IFT80: variants seen among roughly 807,000 people sequenced by gnomAD.
IFT80 encodes intraflagellar transport protein 80 homolog.
In IFT80, 79 loss-of-function variants were observed where a neutral mutation model predicts 107.9. That is an observed-to-expected ratio of 0.73 (90% confidence interval 0.61 to 0.88). The LOEUF (loss-of-function observed/expected upper bound fraction) is 0.88, where lower values mean the gene tolerates loss of function less well. Among genes scored for constraint, IFT80 ranks in the 40% least tolerant of loss-of-function variants. The pLI, the probability that IFT80 is intolerant of heterozygous loss-of-function variation, is 0.00. For synonymous variants in IFT80, 299 were observed against 300.9 expected, an observed-to-expected ratio of 0.99 and a Z score of 0.07; for missense variants, 797 against 914.2, an observed-to-expected ratio of 0.87 and a Z score of 1.65.
At chr3:160,336,713 C>A (rs1394560031) in intron 8 of IFT80, among the ~76,000 whole-genome samples, 3 of 152,038 alleles carry the variant, frequency 2.0e-5, no homozygotes, top group East Asian at 1.9e-4. Context: ...TCAGCTCTAT[C>A]ATTTTATGTA....
chr3:160,360,617 T>A (rs1031499304), intron 6 of IFT80, among the ~76,000 whole-genome samples: 1 of 151,976 alleles, frequency 6.6e-6, no homozygotes, highest in Non-Finnish European at 1.5e-5. Context: ...AAAGATCGGG[T>A]TACCCACAAA....
At chr3:160,389,973 C>T (rs1342942360) in intron 1 of IFT80, among the ~76,000 whole-genome samples, 1 of 152,162 alleles carries the variant, frequency 6.6e-6, no homozygotes, top group African/African-American at 2.4e-5. Flanking sequence ...CCTATTTCTC[C>T]ACATCCTGGA....
chr3:160,321,293 T>C (rs1400484962), intron 8 of IFT80, among the ~76,000 whole-genome samples: 2 of 151,992 alleles, frequency 1.3e-5, no homozygotes, highest in African/African-American at 4.8e-5. Context: ...ACAAGAATTA[T>C]GAAACATTAC....
intron 8 of IFT80, among the ~76,000 whole-genome samples, chr3:160,323,448 T>C (rs1334597485): frequency 1.3e-5 from 2 of 152,118 alleles, no homozygotes; most frequent in Non-Finnish European, 2.9e-5. Context: ...AGCCTTGTAG[T>C]ATAGTTTGAA....
chr3:160,328,389 A>G (rs62272186), intron 8 of IFT80, among the ~76,000 whole-genome samples: 78,867 of 149,576 alleles, frequency 0.53, 21,276 homozygotes, highest in African/African-American at 0.57. Flanking sequence ...TTGAACCCAC[A>G]AGGCGGAGGT....
rs553421958 is a variant in IFT80, at chr3:160,375,812, C to T, written c.439G>A (p.Gly147Arg). Reference sequence around the variant, plus strand: ...TGAAATTGTCAATTGTAAAACATACCTTGCTGAGCTAAAGTTGATCTAAGC... The same window carrying T: ...TGAAATTGTCAATTGTAAAACATACTTTGCTGAGCTAAAGTTGATCTAAGC... ...GMLRSTLAQQ[G>R]TPVYSVAWGP... Residue 147 changes from glycine (G) to arginine (R), a missense_variant and splice_region_variant, in exon 5 of 20, where the codon GGA becomes AGA. Coordinates refer to ENST00000326448, the MANE Select transcript of IFT80 (RefSeq NM_020800.3). 6.2e-6 allele frequency: 10 copies of T among 1,607,436 alleles called. 3 individuals carry two copies. The South Asian group carries it at 1.1e-4, about 18-fold the overall frequency.
intron 1 of IFT80, among the ~76,000 whole-genome samples, chr3:160,394,652 GGCA>G (rs1403770637): frequency 7.9e-5 from 12 of 152,244 alleles, no homozygotes; most frequent in African/African-American, 2.9e-4. Flanking sequence ...GGGAGGCTGA[GGCA>G]GGAGAGATCA....
At chr3:160,264,213 G>C (rs1350983913) in intron 19 of IFT80, among the ~76,000 whole-genome samples, 3 of 151,694 alleles carry the variant, frequency 2.0e-5, no homozygotes, top group African/African-American at 7.3e-5. Context: ...AGGCTCAAGT[G>C]ATTCTCCCAC....
At chr3:160,305,445 T>C (rs977176487) in intron 10 of IFT80, among the ~76,000 whole-genome samples, 7 of 152,212 alleles carry the variant, frequency 4.6e-5, no homozygotes, top group Non-Finnish European at 7.4e-5. Flanking sequence ...GATAAAGATA[T>C]ATGCTTTTGT....
intron 1 of IFT80, among the ~76,000 whole-genome samples, chr3:160,398,156 A>G (rs1713988244): frequency 6.6e-6 from 1 of 152,204 alleles, no homozygotes; most frequent in South Asian, 2.1e-4. Flanking sequence ...AACTTCAAAC[A>G]TAAAGATATA....
chr3:160,332,914 A>G (rs1719189552), intron 8 of IFT80, among the ~76,000 whole-genome samples: 1 of 152,182 alleles, frequency 6.6e-6, no homozygotes, highest in Non-Finnish European at 1.5e-5. Flanking sequence ...AGTTGCCATC[A>G]TGTGTTGCTT....
chr3:160,266,777 T>C (rs182549917), intron 19 of IFT80, among the ~76,000 whole-genome samples: 142 of 152,308 alleles, frequency 9.3e-4, no homozygotes, highest in African/African-American at 3.3e-3. Context: ...TTTAATCTGC[T>C]TTAAAATTAT....
At chr3:160,265,951 G>A (rs1713283156) in intron 19 of IFT80, among the ~76,000 whole-genome samples, 1 of 151,992 alleles carries the variant, frequency 6.6e-6, no homozygotes. Context: ...GAAACCAAAA[G>A]GTCAGCAAGT....
chr3:160,341,058 A>T (rs1559949287), intron 8 of IFT80, among the ~76,000 whole-genome samples: 1 of 151,514 alleles, frequency 6.6e-6, no homozygotes, highest in East Asian at 1.9e-4. Context: ...TCTGTCACCC[A>T]TGCTGGAGTG....
chr3:160,320,008 C>T, intron 8 of IFT80, 69 bp from the exon 9 acceptor site: 1 of 1,043,732 alleles, frequency 9.6e-7, no homozygotes, highest in Non-Finnish European at 1.5e-6. Context: ...TTAAATCAGG[C>T]ACATGACAAC....
intron 8 of IFT80, among the ~76,000 whole-genome samples, chr3:160,326,799 A>C (rs1049863684): frequency 6.6e-6 from 1 of 152,054 alleles, no homozygotes; most frequent in Non-Finnish European, 1.5e-5. Context: ...TATTCAATAC[A>C]GTATTGGAAG....
chr3:160,365,566 A>G (rs1352096324), intron 6 of IFT80, among the ~76,000 whole-genome samples: 2 of 152,096 alleles, frequency 1.3e-5, no homozygotes, highest in Non-Finnish European at 2.9e-5. Flanking sequence ...AATAACAGGT[A>G]CTGTATATTG....
chr3:160,345,421 T>C (rs1157421708), intron 8 of IFT80, among the ~76,000 whole-genome samples: 2 of 152,090 alleles, frequency 1.3e-5, no homozygotes, highest in Non-Finnish European at 2.9e-5. Flanking sequence ...AGTAGAAGGA[T>C]GATGCCTGTA....
intron 1 of IFT80, among the ~76,000 whole-genome samples, chr3:160,388,614 GTAAT>G (rs1713123694): frequency 6.7e-6 from 1 of 148,262 alleles, no homozygotes; most frequent in South Asian, 2.1e-4. Flanking sequence ...ATATATTTAT[GTAAT>G]TAATAATATA....
Sources: allele counts gnomAD v4.1 joint callset (sites outside exome capture counted in the v4.1 genomes callset), GRCh38; gene constraint gnomAD v4.1.1; transcripts MANE v1.5; gene names NCBI Gene and HGNC (gene_info 2026-07-23, HGNC 2026-07-21).